Variants in MYO16 observed in about 807,000 individuals in gnomAD.
The protein encoded by MYO16 is myosin XVI.
In MYO16, 94 loss-of-function variants were observed where a neutral mutation model predicts 205.3. The ratio of observed to expected loss-of-function variants is 0.46; its 90% CI spans 0.39 to 0.54. The LOEUF (loss-of-function observed/expected upper bound fraction) is 0.54. MYO16 is among the 20% of genes least tolerant of loss of function. The pLI, the probability that MYO16 is intolerant of heterozygous loss-of-function variation, is 0.00. For synonymous variants in MYO16, 988 were observed against 954.0 expected (o/e 1.04, Z -0.66); for missense variants, 2,315 against 2,387.5 (o/e 0.97, Z 0.63).
At chr13:108,526,529 T>C in the MYO16 span, among the ~76,000 whole-genome samples, 5 of 152,330 alleles carry the variant, frequency 3.3e-5, no homozygotes, top group East Asian at 9.6e-4. Context: ...CGCGTTGAAA[T>C]AGAGCCTTTC....
At chr13:108,998,381 G>T (rs558489532) in intron 21 of MYO16, among the ~76,000 whole-genome samples, 1 of 152,160 alleles carries the variant, frequency 6.6e-6, no homozygotes, top group Non-Finnish European at 1.5e-5. Flanking sequence ...CCTGTTCTAG[G>T]CACTAAAGTT....
At chr13:108,537,021 T>C in the MYO16 span, among the ~76,000 whole-genome samples, 1 of 152,154 alleles carries the variant, frequency 6.6e-6, no homozygotes, top group Non-Finnish European at 1.5e-5. Flanking sequence ...TTTTCTTACA[T>C]GGATACATTG....
At chr13:108,833,540 T>G (rs1876733887) in intron 9 of MYO16, among the ~76,000 whole-genome samples, 1 of 152,166 alleles carries the variant, frequency 6.6e-6, no homozygotes, top group Non-Finnish European at 1.5e-5. Flanking sequence ...TCTGTTAGTT[T>G]TTGTTGTTGT....
the MYO16 span, among the ~76,000 whole-genome samples, chr13:108,572,341 T>A: frequency 6.6e-6 from 1 of 152,188 alleles, no homozygotes; most frequent in Admixed American, 6.5e-5. Context: ...TTGGGTATAA[T>A]CTTTATCATT....
chr13:109,117,604 G>T (rs1325416815), intron 28 of MYO16, among the ~76,000 whole-genome samples: 2 of 151,224 alleles, frequency 1.3e-5, no homozygotes, highest in Non-Finnish European at 2.9e-5. Flanking sequence ...GGGTGCTCTG[G>T]GAACACAAAT....
chr13:108,510,523 G>A, the MYO16 span, among the ~76,000 whole-genome samples: 1 of 85,234 alleles, frequency 1.2e-5, no homozygotes. Flanking sequence ...TGCACATTGT[G>A]CAGGTTAGTT....
intron 12 of MYO16, among the ~76,000 whole-genome samples, chr13:108,871,600 G>C (rs114764779): frequency 6.1e-4 from 93 of 152,100 alleles, no homozygotes; most frequent in African/African-American, 2.0e-3. Context: ...GCCCCCTTAC[G>C]GGTCTCAGGT....
rs577450888 is a variant in MYO16 at position 109,122,280 on chromosome 13, G to A, written c.3535+1814G>A. On this transcript the variant is annotated intron_variant, in intron 29 of 34. Transcript: ENST00000457511. The stretch of plus-strand genomic sequence containing the variant: ...AAATTTTGCCCCATTAGAAATTTCT[G>A]TTCTATTTAACAAAGATTAAATTTC... Among the ~76,000 whole-genome samples, 5 of 152,188 alleles carry A rather than the reference G, an allele frequency of 3.3e-5. No individual in the cohort carries two copies. In the East Asian group the frequency reaches 9.6e-4, roughly 29 times the overall value.
chr13:109,097,745 C>CTT (rs1319027202), intron 27 of MYO16, among the ~76,000 whole-genome samples: 1 of 152,186 alleles, frequency 6.6e-6, no homozygotes, highest in African/African-American at 2.4e-5. Context: ...GCCTCAGTCT[C>CTT]TGTTACTTAC....
chr13:109,157,439 C>G (rs1044417827), intron 32 of MYO16, among the ~76,000 whole-genome samples: 2 of 152,060 alleles, frequency 1.3e-5, no homozygotes, highest in Admixed American at 6.5e-5. Context: ...GCATTCCCTT[C>G]CTTTTCCCTC....
intron 9 of MYO16, among the ~76,000 whole-genome samples, chr13:108,830,534 C>T (rs1876549170): frequency 6.8e-6 from 1 of 147,996 alleles, no homozygotes; most frequent in Admixed American, 6.9e-5. Flanking sequence ...ACCGCATATT[C>T]TCACTCATAG....
intron 34 of MYO16, among the ~76,000 whole-genome samples, chr13:109,195,433 T>C (rs569141481): frequency 3.9e-5 from 6 of 152,278 alleles, no homozygotes; most frequent in African/African-American, 1.4e-4. Context: ...GAAGTGTAGA[T>C]ATATGTAAGC....
rs562383072 is a variant in MYO16, at chr13:108,901,832, T to C, written c.1777+3699T>C. On this transcript the variant is annotated intron_variant, in intron 15 of 34. Coordinates refer to ENST00000457511, the MANE Select transcript of MYO16 (RefSeq NM_001198950.3). Reference sequence around the variant, plus strand: ...TAAAACAAAGTAACAAAGCTAGTGCTGAGATTGCATTCGTAGAAGTCTACC... The same window carrying C: ...TAAAACAAAGTAACAAAGCTAGTGCCGAGATTGCATTCGTAGAAGTCTACC... Among the ~76,000 whole-genome samples the C allele has an allele frequency of 8.5e-5, 13 of 152,328 alleles. 1 individual carries two copies. In the South Asian group the frequency reaches 2.7e-3, roughly 32 times the overall value.
rs1468564552 is a variant in MYO16, at chr13:108,936,516, T to A, written c.1926-21172T>A. On this transcript the variant is annotated intron_variant, in intron 16 of 34. Transcript: ENST00000457511. ...ATTTTCTAGTTTGTGCACATAGAGC[T>A]ATTTATAACAGTCTGTGAGGATCAT... Among the ~76,000 whole-genome samples the A allele has an allele frequency of 2.6e-5, 4 of 152,176 alleles. No individual in the cohort carries two copies. In the East Asian group the frequency reaches 7.7e-4, roughly 29 times the overall value.
intron 28 of MYO16, among the ~76,000 whole-genome samples, chr13:109,109,121 C>T (rs767861608): frequency 6.6e-6 from 1 of 152,166 alleles, no homozygotes; most frequent in Admixed American, 6.5e-5. Flanking sequence ...CTAACAACTA[C>T]TGAAAGAGGG....
At position 108,654,645 on chromosome 13, in the gene MYO16, A is replaced by G. The variant is rs564195728; in HGVS notation, c.29-11241A>G. Among the ~76,000 whole-genome samples, 386 of 152,332 alleles carry G rather than the reference A, an allele frequency of 2.5e-3. 2 individuals carry two copies. The highest frequency in any genetic ancestry group is 8.9e-3 in the African/African-American group (369 of 41,564). On this transcript the variant is annotated intron_variant, in intron 1 of 34. Coordinates refer to ENST00000457511, the MANE Select transcript of MYO16 (RefSeq NM_001198950.3). ...ACAGGCAGAGGTTTGAACAGTTTGG[A>G]GGGCTCAGAAGAAAACAGGAAAATG...
intron 12 of MYO16, among the ~76,000 whole-genome samples, chr13:108,878,309 G>A (rs1303329197): frequency 1.3e-5 from 2 of 152,090 alleles, no homozygotes; most frequent in Non-Finnish European, 2.9e-5. Context: ...ATGAACAGAA[G>A]AGCAGAAGAG....
At position 108,691,569 on chromosome 13, in the gene MYO16, C is replaced by T. The variant is rs1882898406; in HGVS notation, c.293-21092C>T. ...GTTGTTTTCTTTAGAGACAGGGTCT[C>T]ACCGTCCTGCCCAGCCTGGAGTACA... is the stretch of plus-strand genomic sequence containing the variant. On this transcript the variant is annotated intron_variant, in intron 2 of 34. Coordinates refer to ENST00000457511, the MANE Select transcript of MYO16 (RefSeq NM_001198950.3). 2.6e-5 allele frequency among the ~76,000 whole-genome samples: 4 copies of T among 152,148 alleles called. No homozygotes were observed. The South Asian group carries it at 8.3e-4, about 32-fold the overall frequency.
At chr13:108,966,805 A>T (rs944381501) in intron 20 of MYO16, among the ~76,000 whole-genome samples, 6 of 152,178 alleles carry the variant, frequency 3.9e-5, no homozygotes, top group Admixed American at 2.0e-4. Context: ...ATTCATTTAA[A>T]TTCATGGAAA....
Sources: gnomAD v4.1 joint callset for allele counts (sites outside exome capture counted in the v4.1 genomes callset) on GRCh38, gnomAD v4.1.1 for gene constraint, MANE v1.5 for transcripts, NCBI Gene and HGNC (gene_info 2026-07-23, HGNC 2026-07-21) for gene names.